FERMT2: variants seen among roughly 807,000 people sequenced by gnomAD.
FERMT2 encodes fermitin family homolog 2.
A neutral mutation model predicts 82.7 loss-of-function variants in FERMT2; 15 were observed. The ratio of observed to expected loss-of-function variants is 0.18; its 90% CI spans 0.12 to 0.28. The LOEUF is 0.28. Ranked by LOEUF, FERMT2 falls within the 10% of genes least tolerant of loss-of-function variation. The pLI is 1.00. For synonymous variants in FERMT2, 274 were observed against 271.5 expected, an observed-to-expected ratio of 1.01 and a Z score of -0.09; for missense variants, 645 against 809.4, an observed-to-expected ratio of 0.80 and a Z score of 2.46.
chr14:52,893,193 C>CTCT, intron 4 of FERMT2, 100 bp downstream of exon 4: 3 of 1,136,442 alleles, frequency 2.6e-6, no homozygotes. Context: ...AACTTGACCA[C>CTCT]TCTTCCTGAC....
At chr14:52,903,524 C>A (rs1566740937) in intron 3 of FERMT2, among the ~76,000 whole-genome samples, 1 of 150,038 alleles carries the variant, frequency 6.7e-6, no homozygotes, top group South Asian at 2.1e-4. Flanking sequence ...GGCAACAGAG[C>A]AAGACCCTGT....
At chr14:52,861,803 A>T (rs992529097) in intron 12 of FERMT2, 98 of 152,338 alleles carry the variant, frequency 6.4e-4, no homozygotes, top group African/African-American at 2.3e-3. Flanking sequence ...AATTGAAGGG[A>T]ATTAAAGTAG....
intron 3 of FERMT2, among the ~76,000 whole-genome samples, chr14:52,910,440 T>C (rs1388403379): frequency 6.6e-6 from 1 of 152,152 alleles, no homozygotes; most frequent in Non-Finnish European, 1.5e-5. Flanking sequence ...AAAAGTTTCC[T>C]TTCCTCTTAA....
Position 52,946,097 on chromosome 14 carries a change from G to A in FERMT2, c.157+4315C>T, listed in dbSNP as rs1213283663. ...TCACCATATTGGCCAGGCTGGTCTC[G>A]AGCTCCTAACCTTCTGATCTGCCCG... On this transcript the variant is annotated intron_variant, in intron 2 of 14. Coordinates refer to ENST00000341590, the MANE Select transcript of FERMT2 (RefSeq NM_006832.3). Among the ~76,000 whole-genome samples the A allele has an allele frequency of 2.0e-5, 3 of 151,998 alleles. No homozygotes were observed. In the East Asian group the frequency reaches 5.8e-4, roughly 29 times the overall value.
Position 52,893,311 on chromosome 14 carries a change from G to C in FERMT2, c.508C>G (p.Leu170Val). The C allele has an allele frequency of 6.2e-7, 1 of 1,608,154 alleles. No individual in the cohort carries two copies. The highest frequency in any genetic ancestry group is 8.5e-7 in the Non-Finnish European group (1 of 1,178,492). ...GTCTTACCTGATCCAGGAGTGATAA[G>C]AGGCCCCTCTAATTCAAGTGCCTCA... ...EDEALELEGP[L>V]ITPGSGSIYS... Residue 170 changes from leucine (L) to valine (V), a missense_variant, in exon 4 of 15, where the codon CTT (leucine) becomes GTT (valine). Physicochemically the swap from Leu to Val is conservative, Grantham distance 32. Coordinates refer to ENST00000341590, the MANE Select transcript of FERMT2 (RefSeq NM_006832.3).
chr14:52,864,656 T>A (rs760732426), intron 11 of FERMT2, 34 bp from the exon 12 acceptor site: 13 of 1,591,578 alleles, frequency 8.2e-6, no homozygotes, highest in Non-Finnish European at 7.8e-6. Flanking sequence ...GTGCAATGTA[T>A]CACGAGGTGG....
intron 2 of FERMT2, among the ~76,000 whole-genome samples, chr14:52,929,109 C>G (rs1050328202): frequency 3.9e-5 from 6 of 152,172 alleles, no homozygotes; most frequent in African/African-American, 1.4e-4. Context: ...CTCAATTTAT[C>G]TAAAATGTAA....
chr14:52,928,450 A>G (rs186295022), intron 2 of FERMT2: 2 of 152,990 alleles, frequency 1.3e-5, no homozygotes, highest in African/African-American at 4.8e-5. Flanking sequence ...TCTAGTGACA[A>G]AGCCACTAAA....
chr14:52,932,838 AAT>A (rs1178215364), intron 2 of FERMT2, among the ~76,000 whole-genome samples: 1 of 152,174 alleles, frequency 6.6e-6, no homozygotes, highest in Non-Finnish European at 1.5e-5. Context: ...AGAGGAAAAG[AAT>A]TCTCAACAGT....
intron 9 of FERMT2, among the ~76,000 whole-genome samples, chr14:52,873,336 G>T (rs1885746118): frequency 6.6e-6 from 1 of 152,216 alleles, no homozygotes; most frequent in African/African-American, 2.4e-5. Flanking sequence ...CCTCTATAAA[G>T]ATGCAAATTT....
intron 2 of FERMT2, among the ~76,000 whole-genome samples, chr14:52,938,169 C>A (rs960707621): frequency 1.3e-5 from 2 of 152,176 alleles, no homozygotes; most frequent in Non-Finnish European, 2.9e-5. Context: ...ACTTCACAAC[C>A]ACTAAACAGA....
intron 2 of FERMT2, among the ~76,000 whole-genome samples, chr14:52,940,923 T>C (rs1349736464): frequency 6.6e-6 from 1 of 152,196 alleles, no homozygotes; most frequent in African/African-American, 2.4e-5. Flanking sequence ...TGAAAAAGTT[T>C]GGCAGTTTCT....
At chr14:52,904,166 C>A (rs538201250) in intron 3 of FERMT2, among the ~76,000 whole-genome samples, 37 of 151,464 alleles carry the variant, frequency 2.4e-4, no homozygotes, top group Non-Finnish European at 4.9e-4. Flanking sequence ...GGATCACCTG[C>A]GGTCAGGAGT....
In FERMT2 at chr14:52,901,481, G is replaced by A. The variant is rs144030751; in HGVS notation, c.392-8054C>T. Reference sequence around the variant, plus strand: ...AAGATCACTTATCAAATGATTTTAGGGAGATTATCCTGGGTTATCTGGGTG... The same window carrying A: ...AAGATCACTTATCAAATGATTTTAGAGAGATTATCCTGGGTTATCTGGGTG... On this transcript the variant is annotated intron_variant, in intron 3 of 14. Coordinates refer to ENST00000341590, the MANE Select transcript of FERMT2 (RefSeq NM_006832.3). Among the ~76,000 whole-genome samples the A allele has an allele frequency of 5.0e-3, 761 of 152,226 alleles. 6 individuals carry two copies. Among genetic ancestry groups the A allele is most frequent in the East Asian group, 0.049 (254 of 5,178 alleles).
intron 3 of FERMT2, among the ~76,000 whole-genome samples, chr14:52,902,276 C>T (rs187589854): frequency 3.9e-5 from 6 of 151,920 alleles, no homozygotes; most frequent in African/African-American, 1.4e-4. Flanking sequence ...ATCTGTAGTC[C>T]CAGTTACTCA....
chr14:52,950,681 A>G lies in FERMT2; in HGVS notation c.-9-104T>C, dbSNP rs538476369. The G allele has an allele frequency of 4.9e-5, 59 of 1,193,166 alleles. No homozygotes were observed. The African/African-American group carries it at 6.4e-4, about 13-fold the overall frequency. 73.9% of individuals were successfully genotyped at this position (1,193,166 alleles called of 1,614,324 possible). ...GCCACGGGCTGGGAGGTGGTGGAGG[A>G]CCCGGGGCTTTCGGCAGAAACTCGG... On this transcript the variant is annotated intron_variant, in intron 1 of 14. Transcript: ENST00000341590.
chr14:52,868,114 G>A (rs983376398), intron 10 of FERMT2, among the ~76,000 whole-genome samples: 4 of 151,838 alleles, frequency 2.6e-5, no homozygotes, highest in East Asian at 1.9e-4. Context: ...TTTCTTCTGC[G>A]ACTACCTCTC....
In FERMT2 at chr14:52,918,547, G is replaced by C. The variant is rs576719676; in HGVS notation, c.391+576C>G. Among the ~76,000 whole-genome samples, 5 of 152,338 alleles carry C rather than the reference G, an allele frequency of 3.3e-5. No individual in the cohort carries two copies. The East Asian group carries it at 9.6e-4, about 29-fold the overall frequency. On this transcript the variant is annotated intron_variant, in intron 3 of 14. Transcript: ENST00000341590. ...TTCTCAAATAGGAAAAAATACAGCA[G>C]AGTTCTGCACTAGTGGTAGTGACAG...
intron 10 of FERMT2, chr14:52,871,387 G>C (rs537207227): frequency 3.5e-4 from 53 of 152,336 alleles, no homozygotes; most frequent in African/African-American, 1.2e-3. Context: ...GTGTGCTCAC[G>C]GGAGAGTGGT....
Sources: allele counts gnomAD v4.1 joint callset (sites outside exome capture counted in the v4.1 genomes callset), GRCh38; gene constraint gnomAD v4.1.1; transcripts MANE v1.5; gene names NCBI Gene and HGNC (gene_info 2026-07-23, HGNC 2026-07-21).